MRPL36: variants seen among roughly 807,000 people sequenced by gnomAD.
The protein encoded by MRPL36 is large ribosomal subunit protein bL36m.
A neutral mutation model predicts 2.8 loss-of-function variants in MRPL36; 1 was observed. The observed-to-expected ratio is 0.36, with a 90% CI of 0.13 to 1.69. MRPL36 has a LOEUF of 1.69. MRPL36 is among the 40% of genes most tolerant of loss of function. The pLI is 0.35. For missense variants in MRPL36, 148 were observed against 132.7 expected (o/e 1.12, Z -0.57); for synonymous variants, 68 against 54.8 (o/e 1.24, Z -1.06).
upstream of MRPL36, among the ~76,000 whole-genome samples, chr5:1,800,048 G>A (rs1372550077): frequency 1.3e-5 from 2 of 152,200 alleles, no homozygotes. Flanking sequence ...CAAAAACCAG[G>A]AACGAAAATG....
At chr5:1,801,368 C>G (rs762579323), upstream of MRPL36, 7 of 1,594,980 alleles carry the variant, frequency 4.4e-6, no homozygotes, top group Middle Eastern at 1.7e-4. Context: ...CGTGCGCATG[C>G]GTTAGCGCTA....
At position 1,798,705 on chromosome 5, in the gene MRPL36, C is replaced by T; in HGVS notation, c.231G>A (p.Lys77=). The T allele has an allele frequency of 2.5e-6, 4 of 1,613,898 alleles. No homozygotes were observed. The highest frequency in any genetic ancestry group is 3.4e-6 in the Non-Finnish European group (4 of 1,179,842). ...KNKTVLKKRC[K]DCYLVKRRGR... ...CCCGCCTCTTCACCAGGTAACAGTCCTTGCAGCGCTTCTTAAGGACAGTCT... is the reference window on the plus strand; with the variant it reads ...CCCGCCTCTTCACCAGGTAACAGTCTTTGCAGCGCTTCTTAAGGACAGTCT... The change falls in exon 2 of 2, where the codon AAG becomes AAA. Residue 77 remains lysine (K), a synonymous_variant. Transcript: ENST00000505059.
chr5:1,801,131 G>A (rs1234918214), upstream of MRPL36, among the ~76,000 whole-genome samples: 1 of 152,226 alleles, frequency 6.6e-6, no homozygotes, highest in Non-Finnish European at 1.5e-5. Context: ...AACTGCATGA[G>A]GCTGCACCTG....
At chr5:1,800,546 C>T (rs984113915), upstream of MRPL36, among the ~76,000 whole-genome samples, 1 of 152,144 alleles carries the variant, frequency 6.6e-6, no homozygotes, top group African/African-American at 2.4e-5. Context: ...CTGACCACCA[C>T]GTTTGCTGGG....
chr5:1,799,033 G>C lies in MRPL36; in HGVS notation c.-12-86C>G, dbSNP rs575827454. 7.0e-6 allele frequency: 8 copies of C among 1,141,048 alleles called. No individual in the cohort carries two copies. The Admixed American group carries it at 1.0e-4, about 15-fold the overall frequency. 70.7% of individuals were successfully genotyped at this position (1,141,048 alleles called of 1,614,324 possible). On this transcript the variant is annotated intron_variant, in intron 1 of 1. Coordinates refer to ENST00000505059, the MANE Select transcript of MRPL36 (RefSeq NM_032479.4). Reference sequence around the variant, plus strand: ...GCTTCCTTTTCTCTGTTTCACTGAGGCTTGGGAAGGCAGGGACCTCGGGGA... The same window carrying C: ...GCTTCCTTTTCTCTGTTTCACTGAGCCTTGGGAAGGCAGGGACCTCGGGGA...
chr5:1,801,410 G>T, upstream of MRPL36: 1 of 1,605,264 alleles, frequency 6.2e-7, no homozygotes, highest in Non-Finnish European at 8.5e-7. Flanking sequence ...AAAGGCCAGC[G>T]GCGCAAAATG....
At chr5:1,800,060 A>G (rs1389562766), upstream of MRPL36, among the ~76,000 whole-genome samples, 2 of 152,224 alleles carry the variant, frequency 1.3e-5, no homozygotes, top group East Asian at 3.8e-4. Context: ...ACGAAAATGG[A>G]TATCCGCAAC....
Position 1,798,725 on chromosome 5 carries a change from C to T in MRPL36, c.211G>A (p.Val71Ile), listed in dbSNP as rs1733924460. 1 of 1,613,984 alleles carries T rather than the reference C, an allele frequency of 6.2e-7. No individual in the cohort carries two copies. Among genetic ancestry groups the T allele is most frequent in the South Asian group, 1.1e-5 (1 of 91,076 alleles). ...LPALGFKNKT[V>I]LKKRCKDCYL... ...CAGTCCTTGCAGCGCTTCTTAAGGACAGTCTTGTTTTTGAACCCCAGCGCA... is the reference window on the plus strand; with the variant it reads ...CAGTCCTTGCAGCGCTTCTTAAGGATAGTCTTGTTTTTGAACCCCAGCGCA... The change falls in exon 2 of 2, where the codon GTC becomes ATC. Residue 71 changes from valine (V) to isoleucine (I), a missense_variant. Val to Ile is a conservative substitution (Grantham distance 29). Coordinates refer to ENST00000505059, the MANE Select transcript of MRPL36 (RefSeq NM_032479.4).
chr5:1,798,920 T>G lies in MRPL36; in HGVS notation c.16A>C (p.Ile6Leu). The G allele has an allele frequency of 1.9e-6, 3 of 1,591,008 alleles. No homozygotes were observed. The highest frequency in any genetic ancestry group is 2.6e-6 in the Non-Finnish European group (3 of 1,163,566). Reference protein sequence around the residue: MANLFIRKMVNPLLYL... With the variant: MANLFLRKMVNPLLYL... ...AGCAGAGGGTTCACCATTTTCCTTA[T>G]AAAAAGATTTGCCATGTTGTGGTGA... Residue 6 changes from isoleucine to leucine, a missense_variant, in exon 2 of 2, where the codon ATA becomes CTA. Transcript: ENST00000505059.
rs367987549 is a variant in MRPL36, at chr5:1,798,683, G to A, written c.253C>T (p.Arg85Trp). The change falls in exon 2 of 2, where the codon CGG becomes TGG. Residue 85 changes from arginine (R) to tryptophan (W), a missense_variant. Physicochemically the swap from Arg to Trp is moderately radical, Grantham distance 101. Coordinates refer to ENST00000505059, the MANE Select transcript of MRPL36 (RefSeq NM_032479.4). The stretch of plus-strand genomic sequence containing the variant: ...TTACAGTAGACGTACCACCGACCCC[G>A]CCTCTTCACCAGGTAACAGTCCTTG... ...RCKDCYLVKR[R>W]GRWYVYCKTH... The A allele has an allele frequency of 7.1e-5, 115 of 1,613,770 alleles. No homozygotes were observed. Among genetic ancestry groups the A allele is most frequent in the South Asian group, 2.7e-4 (25 of 91,058 alleles).
At chr5:1,799,129 CAGG>C (rs1398387549) in intron 1 of MRPL36, 182 bp from the exon 2 acceptor site, 2 of 551,064 alleles carry the variant, frequency 3.6e-6, no homozygotes, top group African/African-American at 1.9e-5. Flanking sequence ...CCAAGTGTGC[CAGG>C]AGAATAAGGG....
Position 1,798,909 on chromosome 5 carries a change from C to A in MRPL36, c.27G>T (p.Met9Ile). MANLFIRK[M>I]VNPLLYLSRH... is the part of the protein sequence containing the mutation. Reference sequence around the variant, plus strand: ...GACTGAGATAGAGCAGAGGGTTCACCATTTTCCTTATAAAAAGATTTGCCA... The same window carrying A: ...GACTGAGATAGAGCAGAGGGTTCACAATTTTCCTTATAAAAAGATTTGCCA... Residue 9 changes from methionine (M) to isoleucine (I), a missense_variant, in exon 2 of 2, where the codon ATG becomes ATT. Coordinates refer to ENST00000505059, the MANE Select transcript of MRPL36 (RefSeq NM_032479.4). 2 of 1,595,582 alleles carry A rather than the reference C, an allele frequency of 1.3e-6. No individual in the cohort carries two copies. The highest frequency in any genetic ancestry group is 1.7e-6 in the Non-Finnish European group (2 of 1,166,212).
chr5:1,801,349 G>A, upstream of MRPL36: 4 of 1,563,732 alleles, frequency 2.6e-6, no homozygotes, highest in South Asian at 4.5e-5. Context: ...GTTTGGCGCC[G>A]CCAGAAGCCG....
rs776466499 is a variant in MRPL36 at position 1,798,823 on chromosome 5, G to A, written c.113C>T (p.Ala38Val). 1.4e-5 allele frequency: 22 copies of A among 1,614,028 alleles called. No homozygotes were observed. Among genetic ancestry groups the A allele is most frequent in the East Asian group, 2.2e-5 (1 of 44,894 alleles). Residue 38 changes from alanine to valine, a missense_variant, in exon 2 of 2, where the codon GCC (alanine) becomes GTC (valine). By Grantham distance (64) the Ala-to-Val change is moderately conservative. Transcript: ENST00000505059. ...TFLFGSIRGA[A>V]PVAVEPGAAV... ...TGCCCCGGGTTCCACAGCCACGGGG[G>A]CTGCACCTCGAATGGATCCAAATAG...
upstream of MRPL36, among the ~76,000 whole-genome samples, chr5:1,800,887 G>A (rs879356782): frequency 1.3e-5 from 2 of 152,196 alleles, no homozygotes; most frequent in Admixed American, 6.5e-5. Flanking sequence ...TGCCTTGAAC[G>A]AGGAGAATGC....
chr5:1,798,595 G>C lies in MRPL36; in HGVS notation c.*29C>G, dbSNP rs375979480. On this transcript the variant is annotated 3_prime_UTR_variant, in exon 2 of 2. Transcript: ENST00000505059. ...ATTCTCCCAAGTGATGCGATGACGA[G>C]TATGTGCGTGACTCTGGAGGGAAAG... The C allele has an allele frequency of 5.7e-6, 9 of 1,575,722 alleles. No homozygotes were observed. In the African/African-American group the frequency reaches 1.2e-4, roughly 21 times the overall value.
Position 1,798,860 on chromosome 5 carries a change from G to A in MRPL36, c.76C>T (p.Leu26Phe), listed in dbSNP as rs767228185. ...LSRHTVKPRA[L>F]STFLFGSIRG... ...ATGGATCCAAATAGAAATGTGGAGA[G>A]GGCTCGAGGCTTCACCGTGTGACGA... is the stretch of plus-strand genomic sequence containing the variant. Residue 26 changes from leucine to phenylalanine, a missense_variant, in exon 2 of 2, where the codon CTC (leucine) becomes TTC (phenylalanine). By Grantham distance (22) the Leu-to-Phe change is conservative (BLOSUM62 0). Transcript: ENST00000505059. 5 of 1,613,514 alleles carry A rather than the reference G, an allele frequency of 3.1e-6. No homozygotes were observed. The highest frequency in any genetic ancestry group is 1.7e-5 in the Admixed American group (1 of 60,006).
At chr5:1,799,859 G>C (rs1413979491), upstream of MRPL36, 2 of 147,144 alleles carry the variant, frequency 1.4e-5, no homozygotes, top group African/African-American at 5.0e-5. Flanking sequence ...GCTGCTGCCA[G>C]GAAGGAAGAT....
upstream of MRPL36, chr5:1,801,331 T>C (rs540529762): frequency 1.0e-4 from 158 of 1,533,732 alleles, no homozygotes; most frequent in Admixed American, 6.0e-4. Context: ...GCGAAATAAA[T>C]ACCGGGTGTT....
Sources: allele counts gnomAD v4.1 joint callset (sites outside exome capture counted in the v4.1 genomes callset), GRCh38; gene constraint gnomAD v4.1.1; transcripts MANE v1.5; gene names NCBI Gene and HGNC (gene_info 2026-07-23, HGNC 2026-07-21).